The following GRK4 variants were observed in gnomAD, a reference collection of about 807,000 sequenced individuals.
GRK4 encodes the protein G protein-coupled receptor kinase 2-like.
In GRK4, 73 loss-of-function variants were observed where a neutral mutation model predicts 77.9. That is an observed-to-expected ratio of 0.94 (90% CI 0.78 to 1.14). The LOEUF is 1.14. GRK4 is among the 50% of genes most tolerant of loss of function. The probability of loss-of-function intolerance (pLI) is 0.00; values close to 1 mark genes in which losing one functional copy is unlikely to be tolerated. For synonymous variants in GRK4, 257 were observed against 254.4 expected (o/e 1.01, Z -0.10); for missense variants, 729 against 700.2 (o/e 1.04, Z -0.46).
Position 3,025,158 on chromosome 4 carries a change from C to T in GRK4, c.970+2707C>T, listed in dbSNP as rs138674415. 1.6e-3 allele frequency among the ~76,000 whole-genome samples: 247 copies of T among 150,708 alleles called. 7 individuals are homozygous for T. The East Asian group carries it at 0.043, about 26-fold the overall frequency. ...TGGTAATACATGCCTGTAGTCCCAG[C>T]TACTTGAGGGGCTGAGGCAGAAGAA... On this transcript the variant is annotated intron_variant, in intron 10 of 15. Coordinates refer to ENST00000398052, the MANE Select transcript of GRK4 (RefSeq NM_182982.3).
chr4:2,975,622 C>T lies in GRK4; in HGVS notation c.53-8891C>T, dbSNP rs188295500. On this transcript the variant is annotated intron_variant, in intron 1 of 15. Transcript: ENST00000398052. Reference sequence around the variant, plus strand: ...CCCCAGGACATTTTCCTCCTTGAGCCGGCTAACATGGACAGACAGATGAAA... The same window carrying T: ...CCCCAGGACATTTTCCTCCTTGAGCTGGCTAACATGGACAGACAGATGAAA... Among the ~76,000 whole-genome samples, 428 of 152,202 alleles carry T rather than the reference C, an allele frequency of 2.8e-3. 5 individuals are homozygous for T. Among genetic ancestry groups the T allele is most frequent in the Non-Finnish European group, 1.4e-3 (97 of 68,000 alleles).
intron 4 of GRK4, among the ~76,000 whole-genome samples, chr4:2,996,541 C>T (rs1727978778): frequency 1.3e-5 from 2 of 151,644 alleles, no homozygotes; most frequent in East Asian, 1.9e-4. Flanking sequence ...GGTGACAGAG[C>T]GAGACTCTGC....
chr4:2,967,662 G>T, intron 1 of GRK4, among the ~76,000 whole-genome samples: 1 of 152,150 alleles, frequency 6.6e-6, no homozygotes, highest in East Asian at 1.9e-4. Flanking sequence ...GCCTCCCAAA[G>T]TGCTGGGATT....
At position 3,009,653 on chromosome 4, in the gene GRK4, C is replaced by G. The variant is rs1211792393; in HGVS notation, c.542C>G (p.Pro181Arg). ...TTGTTTTTCTCATTGATTAGGCAAC[C>G]CGTAACAAAGAACACATTTAGACAT... Reference protein sequence around the residue: ...FLQWKWLERQPVTKNTFRHYR... With the variant: ...FLQWKWLERQRVTKNTFRHYR... Residue 181 changes from proline (P) to arginine (R), a missense_variant, in exon 7 of 16, where the codon CCC (proline) becomes CGC (arginine). Coordinates refer to ENST00000398052, the MANE Select transcript of GRK4 (RefSeq NM_182982.3). 1.2e-6 allele frequency: 2 copies of G among 1,612,718 alleles called. No individual in the cohort carries two copies. The highest frequency in any genetic ancestry group is 2.7e-5 in the African/African-American group (2 of 74,822).
At chr4:2,980,336 TG>T (rs1722524049) in intron 1 of GRK4, among the ~76,000 whole-genome samples, 1 of 152,234 alleles carries the variant, frequency 6.6e-6, no homozygotes, top group South Asian at 2.1e-4. Flanking sequence ...CACCTTGACT[TG>T]TTTCCCTCAT....
chr4:2,972,743 A>C (rs924652755), intron 1 of GRK4, among the ~76,000 whole-genome samples: 1 of 151,086 alleles, frequency 6.6e-6, no homozygotes, highest in African/African-American at 2.4e-5. Flanking sequence ...CTTTAAAAAA[A>C]TTTTTTTTTG....
chr4:3,030,644 G>C (rs1034574419), intron 12 of GRK4, among the ~76,000 whole-genome samples: 27 of 152,020 alleles, frequency 1.8e-4, no homozygotes, highest in Non-Finnish European at 2.2e-4. Context: ...CAGGCTCTAG[G>C]GGGTGAGAGG....
intron 12 of GRK4, among the ~76,000 whole-genome samples, chr4:3,030,395 C>T (rs1359755542): frequency 6.6e-6 from 1 of 152,162 alleles, no homozygotes; most frequent in Non-Finnish European, 1.5e-5. Context: ...TTGTTACTTA[C>T]TTTAAACCAG....
At position 3,009,548 on chromosome 4, in the gene GRK4, T is replaced by C. The variant is rs866906685; in HGVS notation, c.537-100T>C. ...TCCCGGGCATCCCCTTTGAGCAGAATGGTTCAATAAATGAGGCGAAGACAA... is the reference window on the plus strand; with the variant it reads ...TCCCGGGCATCCCCTTTGAGCAGAACGGTTCAATAAATGAGGCGAAGACAA... On this transcript the variant is annotated intron_variant, in intron 6 of 15. Transcript: ENST00000398052. 43 of 828,388 alleles carry C rather than the reference T, an allele frequency of 5.2e-5. No homozygotes were observed. The Middle Eastern group carries it at 9.0e-4, about 17-fold the overall frequency. 51.3% of individuals were successfully genotyped at this position (828,388 alleles called of 1,614,324 possible).
chr4:2,993,245 G>A (rs191698836), intron 4 of GRK4, among the ~76,000 whole-genome samples: 1 of 152,314 alleles, frequency 6.6e-6, no homozygotes, highest in Non-Finnish European at 1.5e-5. Flanking sequence ...TTGTAGTTCA[G>A]TATGTCACTG....
intron 2 of GRK4, among the ~76,000 whole-genome samples, chr4:2,985,357 C>T (rs915761965): frequency 2.7e-5 from 4 of 148,510 alleles, no homozygotes; most frequent in African/African-American, 1.0e-4. Flanking sequence ...GCCGAAATCA[C>T]ACCACTGCAC....
chr4:3,037,968 C>A (rs1293801245), intron 14 of GRK4, among the ~76,000 whole-genome samples: 1 of 151,710 alleles, frequency 6.6e-6, no homozygotes, highest in Non-Finnish European at 1.5e-5. Flanking sequence ...CAGGACTAGA[C>A]CATGGGCAAG....
At chr4:3,016,069 C>T (rs1734408560) in intron 8 of GRK4, among the ~76,000 whole-genome samples, 1 of 151,150 alleles carries the variant, frequency 6.6e-6, no homozygotes, top group Non-Finnish European at 1.5e-5. Flanking sequence ...CCACCACACC[C>T]AGCTAATTTT....
intron 12 of GRK4, 95 bp from the exon 13 acceptor site, chr4:3,035,291 C>A: frequency 8.1e-7 from 1 of 1,230,126 alleles, no homozygotes; most frequent in Non-Finnish European, 1.2e-6. Context: ...ACCTGCTCTG[C>A]CCTCCCGAGT....
intron 10 of GRK4, among the ~76,000 whole-genome samples, chr4:3,023,657 G>T (rs1241705051): frequency 6.6e-6 from 1 of 152,214 alleles, no homozygotes; most frequent in Non-Finnish European, 1.5e-5. Flanking sequence ...TCCTGACTTA[G>T]CCTGTGGTTC....
chr4:2,964,267 A>G, intron 1 of GRK4, 145 bp downstream of exon 1: 1 of 756,716 alleles, frequency 1.3e-6, no homozygotes, highest in Admixed American at 2.4e-5. Context: ...GGGAACCCAG[A>G]TCTGCACGGA....
intron 1 of GRK4, chr4:2,966,959 T>C (rs1319511476): frequency 6.6e-6 from 1 of 152,196 alleles, no homozygotes; most frequent in African/African-American, 2.4e-5. Flanking sequence ...TATGTTGAAA[T>C]CTTCACTACG....
At chr4:2,983,990 G>A (rs1723550163) in intron 1 of GRK4, among the ~76,000 whole-genome samples, 1 of 152,084 alleles carries the variant, frequency 6.6e-6, no homozygotes, top group Non-Finnish European at 1.5e-5. Context: ...AGGACAGCAT[G>A]GGGAATCCGT....
intron 15 of GRK4, 122 bp downstream of exon 15, chr4:3,038,635 C>A: frequency 9.5e-7 from 1 of 1,057,818 alleles, no homozygotes; most frequent in Non-Finnish European, 1.3e-6. Context: ...CAGTTTTATA[C>A]AGTCTGAGAG....
Sources: gnomAD v4.1 joint callset for allele counts (sites outside exome capture counted in the v4.1 genomes callset) on GRCh38, gnomAD v4.1.1 for gene constraint, MANE v1.5 for transcripts, NCBI Gene and HGNC (gene_info 2026-07-23, HGNC 2026-07-21) for gene names.